Variants in LRBA observed in about 807,000 individuals in gnomAD.
LRBA encodes the protein lipopolysaccharide-responsive and beige-like anchor protein.
LRBA carries 176 observed loss-of-function variants against 330.0 expected under a neutral mutation model. The ratio of observed to expected loss-of-function variants is 0.53; its 90% CI spans 0.47 to 0.60. The LOEUF is 0.60. Ranked by LOEUF, LRBA falls within the 20% of genes least tolerant of loss-of-function variation. The pLI, the probability that LRBA is intolerant of heterozygous loss-of-function variation, is 0.00. For synonymous variants in LRBA, 1,230 were observed against 1,193.0 expected, an observed-to-expected ratio of 1.03 and a Z score of -0.64; for missense variants, 3,259 against 3,444.8, an observed-to-expected ratio of 0.95 and a Z score of 1.35.
At chr4:151,004,361 C>A (rs961924857) in intron 2 of LRBA, among the ~76,000 whole-genome samples, 2 of 152,068 alleles carry the variant, frequency 1.3e-5, no homozygotes, top group African/African-American at 2.4e-5. Flanking sequence ...GCAATACTGC[C>A]GCAATCAATC....
At chr4:150,319,544 A>G (rs1401293335) in intron 50 of LRBA, among the ~76,000 whole-genome samples, 1 of 152,174 alleles carries the variant, frequency 6.6e-6, no homozygotes, top group Non-Finnish European at 1.5e-5. Context: ...TAAGTATGTT[A>G]TTTTCATAAA....
At chr4:150,791,626 A>C (rs2126643371) in intron 34 of LRBA, among the ~76,000 whole-genome samples, 1 of 152,298 alleles carries the variant, frequency 6.6e-6, no homozygotes, top group South Asian at 2.1e-4. Flanking sequence ...AGCCTGATTG[A>C]CCATAAAACT....
chr4:150,267,251 T>C (rs1209710243), intron 56 of LRBA, among the ~76,000 whole-genome samples: 1 of 152,162 alleles, frequency 6.6e-6, no homozygotes, highest in African/African-American at 2.4e-5. Flanking sequence ...TTTTTTGCAG[T>C]GCGCATGGAA....
intron 55 of LRBA, among the ~76,000 whole-genome samples, chr4:150,278,887 C>T (rs985233218): frequency 2.0e-5 from 3 of 151,912 alleles, no homozygotes; most frequent in Admixed American, 1.3e-4. Flanking sequence ...TGCAGTGGCG[C>T]AGTCTCAGCT....
At chr4:150,460,826 G>A (rs1480968634) in intron 44 of LRBA, among the ~76,000 whole-genome samples, 1 of 151,810 alleles carries the variant, frequency 6.6e-6, no homozygotes, top group Non-Finnish European at 1.5e-5. Context: ...AATGTGAGTT[G>A]TAATTATTAA....
chr4:150,662,270 G>A (rs1386759341), intron 37 of LRBA, among the ~76,000 whole-genome samples: 1 of 152,138 alleles, frequency 6.6e-6, no homozygotes, highest in Non-Finnish European at 1.5e-5. Context: ...TCAGAATTTT[G>A]TATTGATACT....
intron 44 of LRBA, among the ~76,000 whole-genome samples, chr4:150,439,338 GA>G (rs148920856): frequency 0.22 from 32,788 of 151,648 alleles, 4,409 homozygotes; most frequent in Non-Finnish European, 0.31. Context: ...ACTAGCATCT[GA>G]AAAAAAATGG....
chr4:150,815,296 A>G (rs1744402499), intron 31 of LRBA, among the ~76,000 whole-genome samples: 2 of 151,586 alleles, frequency 1.3e-5, no homozygotes, highest in Admixed American at 6.6e-5. Context: ...GGGGTGGAGA[A>G]GCGGAAATGT....
intron 48 of LRBA, among the ~76,000 whole-genome samples, chr4:150,346,712 TTA>T (rs1736361344): frequency 7.8e-6 from 1 of 127,412 alleles, no homozygotes; most frequent in African/African-American, 3.1e-5. Flanking sequence ...TGAGCCAAGA[TTA>T]CACCATTGCA....
chr4:150,532,310 A>T (rs1764129925), intron 40 of LRBA, among the ~76,000 whole-genome samples: 1 of 152,214 alleles, frequency 6.6e-6, no homozygotes, highest in Non-Finnish European at 1.5e-5. Context: ...AATACACATT[A>T]AAATATATTC....
chr4:150,718,320 C>G (rs1470870392), intron 36 of LRBA, among the ~76,000 whole-genome samples: 6 of 152,256 alleles, frequency 3.9e-5, no homozygotes, highest in Admixed American at 2.6e-4. Context: ...ACTTTACACA[C>G]AAATCGTACA....
chr4:150,269,760 G>T (rs1221255318), intron 56 of LRBA, among the ~76,000 whole-genome samples: 1 of 152,142 alleles, frequency 6.6e-6, no homozygotes, highest in Admixed American at 6.5e-5. Context: ...ACCAGCCTGG[G>T]CAACATAGTG....
chr4:150,909,841 T>C (rs1731782737), intron 9 of LRBA, among the ~76,000 whole-genome samples: 1 of 152,192 alleles, frequency 6.6e-6, no homozygotes, highest in Non-Finnish European at 1.5e-5. Flanking sequence ...GTTTTCTTTT[T>C]TAAGTAGTCA....
Position 150,278,020 on chromosome 4 carries a change from A to G in LRBA, c.8317-16T>C. The G allele has an allele frequency of 6.2e-7, 1 of 1,611,862 alleles. No homozygotes were observed. The highest frequency in any genetic ancestry group is 8.5e-7 in the Non-Finnish European group (1 of 1,178,756). ...GCTGGATGGCCTGTGAGACACAGCA[A>G]CATTCAGTAGAAATGTGGTTCTAGG... On this transcript the variant is annotated splice_polypyrimidine_tract_variant and intron_variant, in intron 55 of 56. Transcript: ENST00000651943.
chr4:150,906,061 C>T (rs1251798956), intron 12 of LRBA, 71 bp from the exon 13 acceptor site: 9 of 1,380,818 alleles, frequency 6.5e-6, no homozygotes, highest in Non-Finnish European at 8.1e-6. Context: ...CTGTCCCTAC[C>T]AGGAAAAAAA....
chr4:150,325,947 G>A, intron 48 of LRBA, 49 bp from the exon 49 acceptor site: 1 of 970,892 alleles, frequency 1.0e-6, no homozygotes, highest in Non-Finnish European at 1.7e-6. Context: ...CTAATTACAG[G>A]AAATAGAACC....
In LRBA at chr4:150,987,000, A is replaced by G. The variant is rs1327342348; in HGVS notation, c.216+27427T>C. Among the ~76,000 whole-genome samples, 4 of 152,372 alleles carry G rather than the reference A, an allele frequency of 2.6e-5. No homozygotes were observed. The East Asian group carries it at 5.8e-4, about 22-fold the overall frequency. ...TCTGGGGCCAGGGAGTAGAGAAGCTAGCTGAAAACAGCCTCATTAGAGTCA... is the reference window on the plus strand; with the variant it reads ...TCTGGGGCCAGGGAGTAGAGAAGCTGGCTGAAAACAGCCTCATTAGAGTCA... On this transcript the variant is annotated intron_variant, in intron 2 of 56. Transcript: ENST00000651943.
At chr4:150,884,061 T>C (rs1294543146) in intron 17 of LRBA, among the ~76,000 whole-genome samples, 1 of 152,232 alleles carries the variant, frequency 6.6e-6, no homozygotes, top group African/African-American at 2.4e-5. Flanking sequence ...TTAATGAGAC[T>C]ACTCCTGTCA....
chr4:150,583,713 C>T lies in LRBA; in HGVS notation c.6330+4335G>A. 6.2e-7 allele frequency: 1 copy of T among 1,613,320 alleles called. No individual in the cohort carries two copies. The highest frequency in any genetic ancestry group is 1.3e-5 in the African/African-American group (1 of 75,042). On this transcript the variant is annotated intron_variant, in intron 40 of 56. Transcript: ENST00000651943. The surrounding 1 kb of genome is among the most constrained non-coding windows in gnomAD (Gnocchi z 9.8). ...GCAAGCAGAGCTCGGCAGAGAGCGA[C>T]GCCTGGGTGCTACAGTTCGGGGAGG...
Sources: gnomAD v4.1 joint callset for allele counts (sites outside exome capture counted in the v4.1 genomes callset) on GRCh38, gnomAD v4.1.1 for gene constraint, Gnocchi (gnomAD v3.1) non-coding constraint, MANE v1.5 for transcripts, NCBI Gene and HGNC (gene_info 2026-07-23, HGNC 2026-07-21) for gene names.